The following UST variants were observed in gnomAD, a reference collection of about 807,000 sequenced individuals.
The protein encoded by UST is chondroitin sulfate 2-O-sulfotransferase.
UST carries 21 observed loss-of-function variants against 45.6 expected under a neutral mutation model. The observed-to-expected ratio is 0.46, with a 90% CI of 0.33 to 0.66. The LOEUF (loss-of-function observed/expected upper bound fraction) is 0.66, where lower values mean the gene tolerates loss of function less well. Ranked by LOEUF, UST falls within the 30% of genes least tolerant of loss-of-function variation. UST has a pLI of 0.02. For synonymous variants in UST, 215 were observed against 200.6 expected (o/e 1.07, Z -0.61); for missense variants, 463 against 512.4 (o/e 0.90, Z 0.93).
At chr6:148,842,631 A>G (rs1348377218) in intron 1 of UST, among the ~76,000 whole-genome samples, 1 of 152,172 alleles carries the variant, frequency 6.6e-6, no homozygotes, top group Non-Finnish European at 1.5e-5. Context: ...CTCTGTGGTT[A>G]TCCCAGCAAA....
chr6:148,906,966 T>G (rs1014052804), intron 2 of UST, among the ~76,000 whole-genome samples: 1 of 152,218 alleles, frequency 6.6e-6, no homozygotes, highest in African/African-American at 2.4e-5. Flanking sequence ...ATGTAAGCCT[T>G]CAAAAGTGTG....
rs1365146952 is a variant in UST at position 148,887,096 on chromosome 6, G to T, written c.291+67G>T. ...TCTTACTTACAGCCTCCAACAAGCAGAACAGATCTCTCCTGGACACGAATC... is the reference window on the plus strand; with the variant it reads ...TCTTACTTACAGCCTCCAACAAGCATAACAGATCTCTCCTGGACACGAATC... On this transcript the variant is annotated intron_variant, in intron 2 of 7. Coordinates refer to ENST00000367463, the MANE Select transcript of UST (RefSeq NM_005715.3). The T allele has an allele frequency of 9.8e-6, 12 of 1,223,646 alleles. No homozygotes were observed. The East Asian group carries it at 2.8e-4, about 28-fold the overall frequency. 75.8% of individuals were successfully genotyped at this position (1,223,646 alleles called of 1,614,324 possible). A position where few individuals can be genotyped will look rare whatever the true frequency, so the allele number is the denominator to read the frequency against.
intron 1 of UST, among the ~76,000 whole-genome samples, chr6:148,850,260 G>A (rs979908280): frequency 2.6e-5 from 4 of 152,152 alleles, no homozygotes; most frequent in Non-Finnish European, 5.9e-5. Flanking sequence ...AGCAGCCCAC[G>A]GTGGAGCCAG....
chr6:148,750,301 A>G (rs1307388620), intron 1 of UST, among the ~76,000 whole-genome samples: 3 of 152,338 alleles, frequency 2.0e-5, no homozygotes, highest in East Asian at 1.9e-4. Flanking sequence ...TGTTGTATCA[A>G]ACAGGTAGTG....
At chr6:148,957,203 C>T (rs1417620309) in intron 4 of UST, among the ~76,000 whole-genome samples, 2 of 152,218 alleles carry the variant, frequency 1.3e-5, no homozygotes, top group African/African-American at 2.4e-5. Context: ...ACCTCTTCCT[C>T]TCTTCACACC....
At chr6:148,885,189 T>C (rs577738558) in intron 1 of UST, among the ~76,000 whole-genome samples, 5 of 152,260 alleles carry the variant, frequency 3.3e-5, no homozygotes, top group South Asian at 4.1e-4. Context: ...ATTTTAGAAA[T>C]ATTTAGTTGT....
In UST at chr6:148,747,387, C is replaced by A. The variant is rs745456264; in HGVS notation, c.-44C>A. ...CTCCTCCTCGCGGCGGATGGGTGAC[C>A]TTTTCCTGGCACGGGCAGGCTGTGG... On this transcript the variant is annotated 5_prime_UTR_variant, in exon 1 of 8. Transcript: ENST00000367463. 8.0e-6 allele frequency: 11 copies of A among 1,371,316 alleles called. No individual in the cohort carries two copies. In the African/African-American group the frequency reaches 1.4e-4, roughly 17 times the overall value. The allele number at this position is 1,371,316 out of a possible 1,614,324, so 84.9% of individuals were successfully genotyped here. A position where few individuals can be genotyped will look rare whatever the true frequency, so the allele number is the denominator to read the frequency against.
At chr6:148,870,454 TG>T (rs1778528736) in intron 1 of UST, among the ~76,000 whole-genome samples, 2 of 152,226 alleles carry the variant, frequency 1.3e-5, no homozygotes, top group Non-Finnish European at 2.9e-5. Context: ...CTTCTGATTT[TG>T]GTTTCAAGTC....
At chr6:148,810,032 G>GT (rs1419113806) in intron 1 of UST, among the ~76,000 whole-genome samples, 2 of 152,140 alleles carry the variant, frequency 1.3e-5, no homozygotes, top group Non-Finnish European at 2.9e-5. Flanking sequence ...CATCTTATCT[G>GT]TTTTTCCCAC....
intron 7 of UST, among the ~76,000 whole-genome samples, chr6:149,033,018 C>A (rs1290778766): frequency 1.3e-5 from 2 of 152,156 alleles, no homozygotes; most frequent in African/African-American, 4.8e-5. Context: ...AATTTTTGGA[C>A]TTTCCTGATA....
chr6:149,000,565 GA>G (rs557840151), intron 5 of UST, among the ~76,000 whole-genome samples: 3 of 151,888 alleles, frequency 2.0e-5, no homozygotes, highest in South Asian at 2.1e-4. Flanking sequence ...AAGGAACATG[GA>G]AAAAAAATCC....
At chr6:149,067,008 A>G (rs926034412) in intron 7 of UST, among the ~76,000 whole-genome samples, 24 of 152,164 alleles carry the variant, frequency 1.6e-4, no homozygotes, top group African/African-American at 5.3e-4. Context: ...GCTTTTTTCT[A>G]TACCTTTCTT....
intron 2 of UST, among the ~76,000 whole-genome samples, chr6:148,914,126 G>A (rs1779535277): frequency 6.6e-6 from 1 of 152,158 alleles, no homozygotes; most frequent in African/African-American, 2.4e-5. Flanking sequence ...TTCCAATGCA[G>A]TATTTTGATG....
At chr6:148,846,219 T>C (rs1261334748) in intron 1 of UST, among the ~76,000 whole-genome samples, 7 of 150,930 alleles carry the variant, frequency 4.6e-5, no homozygotes, top group African/African-American at 1.5e-4. Context: ...AATGATAGAC[T>C]GGATTAAGAA....
intron 7 of UST, among the ~76,000 whole-genome samples, chr6:149,023,101 GGTGTGTGTGTGTGTGTGTGTGTGT>G (rs61544082): frequency 7.0e-6 from 1 of 143,456 alleles, no homozygotes; most frequent in Non-Finnish European, 1.5e-5. Flanking sequence ...CTTGTTCTAT[GGTGTGTGTGTGTGTGTGTGTGTGT>G]GTGTGTGTGT....
At chr6:149,032,942 T>C (rs1162712114) in intron 7 of UST, among the ~76,000 whole-genome samples, 1 of 152,268 alleles carries the variant, frequency 6.6e-6, no homozygotes, top group East Asian at 1.9e-4. Context: ...AGTTTTTAGC[T>C]GAGCTGACAG....
At chr6:148,839,379 T>A (rs1435630455) in intron 1 of UST, among the ~76,000 whole-genome samples, 2 of 152,208 alleles carry the variant, frequency 1.3e-5, no homozygotes, top group African/African-American at 2.4e-5. Context: ...TCTTTCACCC[T>A]TTTCTGTCTC....
Position 148,845,400 on chromosome 6 carries a change from G to A in UST, c.248-41586G>A, listed in dbSNP as rs374313474. Among the ~76,000 whole-genome samples the A allele has an allele frequency of 5.0e-4, 76 of 152,074 alleles. No homozygotes were observed. The South Asian group carries it at 0.013, about 26-fold the overall frequency. On this transcript the variant is annotated intron_variant, in intron 1 of 7. Coordinates refer to ENST00000367463, the MANE Select transcript of UST (RefSeq NM_005715.3). ...AAAATAATATTTTTGAGGTTCATCC[G>A]TGTTGTGATATGTAAAGATATCCAC...
chr6:148,781,138 A>G (rs1776635268), intron 1 of UST, among the ~76,000 whole-genome samples: 1 of 152,210 alleles, frequency 6.6e-6, no homozygotes, highest in Non-Finnish European at 1.5e-5. Flanking sequence ...TTAGTGAGGA[A>G]GGCATGTTGA....
Sources: gnomAD v4.1 joint callset for allele counts (sites outside exome capture counted in the v4.1 genomes callset) on GRCh38, gnomAD v4.1.1 for gene constraint, MANE v1.5 for transcripts, NCBI Gene and HGNC (gene_info 2026-07-23, HGNC 2026-07-21) for gene names.